The following NPAS3 variants were observed in gnomAD, a reference collection of about 807,000 sequenced individuals.
NPAS3 encodes the protein neuronal PAS domain-containing protein 3.
A neutral mutation model predicts 73.1 loss-of-function variants in NPAS3; 14 were observed. The observed-to-expected ratio is 0.19, with a 90% CI of 0.13 to 0.30. The LOEUF (loss-of-function observed/expected upper bound fraction) is 0.30, where lower values mean the gene tolerates loss of function less well. Ranked by LOEUF, NPAS3 falls within the 10% of genes least tolerant of loss-of-function variation. The pLI is 1.00. For synonymous variants in NPAS3, 620 were observed against 541.5 expected, an observed-to-expected ratio of 1.14 and a Z score of -2.01; for missense variants, 1,096 against 1,250.0, an observed-to-expected ratio of 0.88 and a Z score of 1.86.
At chr14:33,196,689 C>T (rs928485551) in intron 2 of NPAS3, among the ~76,000 whole-genome samples, 3 of 152,214 alleles carry the variant, frequency 2.0e-5, no homozygotes, top group African/African-American at 4.8e-5. Context: ...TCCTGCCTTT[C>T]ATGTACAAAT....
intron 2 of NPAS3, among the ~76,000 whole-genome samples, chr14:33,120,956 A>G (rs564300076): frequency 5.9e-5 from 9 of 152,192 alleles, no homozygotes; most frequent in African/African-American, 2.2e-4. Flanking sequence ...GTCTTCCATC[A>G]TTTATCCCTC....
At chr14:33,148,525 T>A (rs780843074) in intron 2 of NPAS3, among the ~76,000 whole-genome samples, 2 of 152,154 alleles carry the variant, frequency 1.3e-5, no homozygotes, top group Non-Finnish European at 2.9e-5. Context: ...GTAAAATGTC[T>A]CCTGAAAAGT....
chr14:33,563,537 C>CACACACACAGAGAGAGAGAG, intron 5 of NPAS3, among the ~76,000 whole-genome samples: 19 of 119,652 alleles, frequency 1.6e-4, no homozygotes, highest in African/African-American at 6.7e-4. Context: ...CACACACACA[C>CACACACACAGAGAGAGAGAG]AGAGAGAGAG....
intron 10 of NPAS3, among the ~76,000 whole-genome samples, chr14:33,796,560 C>T (rs1240797066): frequency 1.3e-5 from 2 of 152,234 alleles, no homozygotes; most frequent in South Asian, 2.1e-4. Flanking sequence ...TAAGTCTCTG[C>T]TTGGCTAGCC....
chr14:33,296,591 A>G (rs2042308803), intron 3 of NPAS3, among the ~76,000 whole-genome samples: 1 of 152,198 alleles, frequency 6.6e-6, no homozygotes, highest in Non-Finnish European at 1.5e-5. Context: ...TATCACAATT[A>G]TGTTTGGATG....
rs146989762 is a variant in NPAS3 at position 33,225,278 on chromosome 14, A to G, written c.385+9852A>G. Among the ~76,000 whole-genome samples the G allele has an allele frequency of 2.6e-4, 39 of 152,370 alleles. No individual in the cohort carries two copies. In the East Asian group the frequency reaches 5.6e-3, roughly 22 times the overall value. ...TACATAAGTTTTCTTTAAAATTTATAAATTATTTCCATTTAAGAGTCATAC... is the reference window on the plus strand; with the variant it reads ...TACATAAGTTTTCTTTAAAATTTATGAATTATTTCCATTTAAGAGTCATAC... On this transcript the variant is annotated intron_variant, in intron 3 of 11. Coordinates refer to ENST00000356141, the Ensembl canonical transcript of NPAS3.
At chr14:33,506,064 C>T (rs1595049529) in intron 4 of NPAS3, among the ~76,000 whole-genome samples, 1 of 152,062 alleles carries the variant, frequency 6.6e-6, no homozygotes, top group East Asian at 1.9e-4. Context: ...TCTATCTTAT[C>T]CTGCTATGCC....
rs542716854 is a variant in NPAS3 at position 33,799,624 on chromosome 14, G to A, written c.1427-110G>A. The A allele has an allele frequency of 6.3e-6, 7 of 1,118,880 alleles. No individual in the cohort carries two copies. In the Admixed American group the frequency reaches 1.3e-4, roughly 20 times the overall value. The allele number at this position is 1,118,880 out of a possible 1,614,324, so 69.3% of individuals were successfully genotyped here. ...CGTGATGAGGACGGACACTTGCCCTGCTCCCCGCCCCAGCCCCTGCAGGTG... is the reference window on the plus strand; with the variant it reads ...CGTGATGAGGACGGACACTTGCCCTACTCCCCGCCCCAGCCCCTGCAGGTG... On this transcript the variant is annotated intron_variant, in intron 11 of 11. Transcript: ENST00000356141.
chr14:33,380,786 G>A (rs1110868), intron 4 of NPAS3, among the ~76,000 whole-genome samples: 111,408 of 151,990 alleles, frequency 0.73, 41,297 homozygotes, highest in Admixed American at 0.81. Context: ...CCATGAGGCT[G>A]GGTAACTGCT....
rs3058296 is a variant in NPAS3, at chr14:33,369,404, C to CAAAAAAAA, written c.468+2152_468+2159dup. ...TCTATTTATTTGAAGGCCTCATTTC[C>CAAAAAAAA]AAAAAAAAAAAAAAAAAAAAAAAGG... is the stretch of plus-strand genomic sequence containing the variant. On this transcript the variant is annotated intron_variant, in intron 4 of 11. Coordinates refer to ENST00000356141, the Ensembl canonical transcript of NPAS3. 3.8e-3 allele frequency among the ~76,000 whole-genome samples: 350 copies of CAAAAAAAA among 90,910 alleles called. 14 individuals carry two copies. Among genetic ancestry groups the CAAAAAAAA allele is most frequent in the African/African-American group, 0.011 (257 of 22,912 alleles). 59.6% of individuals were successfully genotyped at this position (90,910 alleles called of 152,430 possible).
chr14:33,157,722 C>T (rs879477475), intron 2 of NPAS3, among the ~76,000 whole-genome samples: 5 of 151,996 alleles, frequency 3.3e-5, no homozygotes, highest in Admixed American at 3.3e-4. Context: ...TATGTAAGAC[C>T]GGGTACAATT....
At chr14:33,719,043 G>T (rs1036831569) in intron 6 of NPAS3, among the ~76,000 whole-genome samples, 1 of 152,110 alleles carries the variant, frequency 6.6e-6, no homozygotes, top group Non-Finnish European at 1.5e-5. Context: ...TTGGAGGATT[G>T]CTTGATCCCA....
intron 7 of NPAS3, among the ~76,000 whole-genome samples, chr14:33,758,915 A>G (rs2140814242): frequency 6.6e-6 from 1 of 152,386 alleles, no homozygotes; most frequent in East Asian, 1.9e-4. Flanking sequence ...AAGAAAATTA[A>G]TTTCTCTGTG....
chr14:33,412,968 T>C (rs1363932432), intron 4 of NPAS3, among the ~76,000 whole-genome samples: 1 of 152,242 alleles, frequency 6.6e-6, no homozygotes. Context: ...TATTAAAATA[T>C]TGTTTTAGTT....
At chr14:33,644,728 A>C (rs940286368) in intron 5 of NPAS3, among the ~76,000 whole-genome samples, 1 of 152,146 alleles carries the variant, frequency 6.6e-6, no homozygotes, top group Non-Finnish European at 1.5e-5. Flanking sequence ...TTTTTGCATC[A>C]TGGATTTAAG....
At chr14:33,703,136 T>C (rs1159550634) in intron 6 of NPAS3, among the ~76,000 whole-genome samples, 1 of 152,134 alleles carries the variant, frequency 6.6e-6, no homozygotes, top group Non-Finnish European at 1.5e-5. Context: ...CTGTTTAATG[T>C]AGAACTTGCA....
At chr14:33,121,960 T>A (rs2043247028) in intron 2 of NPAS3, among the ~76,000 whole-genome samples, 1 of 152,148 alleles carries the variant, frequency 6.6e-6, no homozygotes, top group African/African-American at 2.4e-5. Context: ...TTTCCATGAG[T>A]ACCCTAAAAC....
At position 33,531,823 on chromosome 14, in the gene NPAS3, G is replaced by A. The variant is rs1180394859; in HGVS notation, c.469-28298G>A. 2.6e-5 allele frequency among the ~76,000 whole-genome samples: 4 copies of A among 152,130 alleles called. No homozygotes were observed. The East Asian group carries it at 7.7e-4, about 29-fold the overall frequency. Reference sequence around the variant, plus strand: ...CAAGTGTTATTCTGCACTGTTGTCAGCACTTAGGATTGTCAGCCTTCTGTT... The same window carrying A: ...CAAGTGTTATTCTGCACTGTTGTCAACACTTAGGATTGTCAGCCTTCTGTT... On this transcript the variant is annotated intron_variant, in intron 4 of 11. Transcript: ENST00000356141.
In NPAS3 at chr14:33,338,153, T is replaced by A. The variant is rs940447308; in HGVS notation, c.386-29033T>A. 9.9e-5 allele frequency among the ~76,000 whole-genome samples: 15 copies of A among 152,272 alleles called. No homozygotes were observed. The East Asian group carries it at 2.5e-3, about 25-fold the overall frequency. On this transcript the variant is annotated intron_variant, in intron 3 of 11. Coordinates refer to ENST00000356141, the Ensembl canonical transcript of NPAS3. ...AAAGAGCAAACTGGATAACTTTTGA[T>A]GTAGCTTCAAGGCAAAAGGGGAATC...
Sources: gnomAD v4.1 joint callset for allele counts (sites outside exome capture counted in the v4.1 genomes callset) on GRCh38, gnomAD v4.1.1 for gene constraint, MANE v1.5 for transcripts, NCBI Gene and HGNC (gene_info 2026-07-23, HGNC 2026-07-21) for gene names.